Variants in DAB1 observed in about 807,000 individuals in gnomAD.
The protein encoded by DAB1 is disabled homolog 1.
A neutral mutation model predicts 64.6 loss-of-function variants in DAB1; 15 were observed. The ratio of observed to expected loss-of-function variants is 0.23; its 90% CI spans 0.16 to 0.36. DAB1 has a LOEUF of 0.36. DAB1 is among the 10% of genes least tolerant of loss of function. DAB1 has a pLI of 1.00. For synonymous variants in DAB1, 235 were observed against 251.9 expected (o/e 0.93, Z 0.64); for missense variants, 596 against 706.7 (o/e 0.84, Z 1.78).
chr1:57,609,326 A>G (rs1645697807), intron 7 of DAB1, among the ~76,000 whole-genome samples: 1 of 152,248 alleles, frequency 6.6e-6, no homozygotes. Flanking sequence ...GCAATATAGT[A>G]CAACTATTCG....
chr1:57,936,609 G>T (rs1645028647), intron 5 of DAB1, among the ~76,000 whole-genome samples: 1 of 151,930 alleles, frequency 6.6e-6, no homozygotes, highest in Admixed American at 6.6e-5. Flanking sequence ...CGCCATGTTG[G>T]CCTGGCTGGT....
At chr1:57,759,827 C>G (rs1448543717) in intron 6 of DAB1, among the ~76,000 whole-genome samples, 1 of 151,996 alleles carries the variant, frequency 6.6e-6, no homozygotes, top group Non-Finnish European at 1.5e-5. Context: ...AAAATGGGCT[C>G]AATGTGTAAC....
rs148891634 is a variant in DAB1 at position 57,963,444 on chromosome 1, C to T, written n.388-79282G>A. Among the ~76,000 whole-genome samples the T allele has an allele frequency of 1.2e-4, 18 of 152,234 alleles. No homozygotes were observed. The East Asian group carries it at 2.1e-3, about 18-fold the overall frequency. On this transcript the variant is annotated intron_variant and non_coding_transcript_variant, in intron 5 of 20. Coordinates refer to the DAB1 transcript ENST00000485760. ...ATTGCATTTACCAATCACGGTGCAC[C>T]GTTATTCTCTCTCCATCTGTTTGTC...
chr1:58,224,312 C>A (rs1157251665), intron 4 of DAB1, among the ~76,000 whole-genome samples: 1 of 152,104 alleles, frequency 6.6e-6, no homozygotes, highest in African/African-American at 2.4e-5. Flanking sequence ...ATTTAATAAG[C>A]AGTAACAAGT....
chr1:57,110,199 C>A (rs1191255948), intron 4 of DAB1, among the ~76,000 whole-genome samples: 2 of 152,198 alleles, frequency 1.3e-5, no homozygotes, highest in African/African-American at 4.8e-5. Flanking sequence ...CGAGACCAGT[C>A]TCTGCCACCA....
intron 5 of DAB1, among the ~76,000 whole-genome samples, chr1:57,897,684 T>C (rs945028258): frequency 2.6e-5 from 4 of 152,120 alleles, no homozygotes; most frequent in Admixed American, 1.3e-4. Flanking sequence ...CAGCTTGGGA[T>C]GACACAAAGA....
At chr1:57,830,505 C>T (rs1235200110) in intron 1 of DAB1, among the ~76,000 whole-genome samples, 1 of 152,180 alleles carries the variant, frequency 6.6e-6, no homozygotes, top group Non-Finnish European at 1.5e-5. Context: ...TTCTCAAACA[C>T]TTCTCTGAAC....
intron 4 of DAB1, among the ~76,000 whole-genome samples, chr1:58,194,013 G>A (rs551977883): frequency 5.3e-5 from 8 of 152,326 alleles, no homozygotes; most frequent in East Asian, 1.9e-4. Context: ...AGAAGAAGAC[G>A]TTGGATAAAG....
At chr1:57,759,205 GC>G (rs1648958759) in intron 6 of DAB1, among the ~76,000 whole-genome samples, 1 of 152,144 alleles carries the variant, frequency 6.6e-6, no homozygotes, top group Non-Finnish European at 1.5e-5. Flanking sequence ...AGGGGTCACT[GC>G]ATGGCCCAAT....
At chr1:57,958,203 C>T (rs1645436963) in intron 5 of DAB1, among the ~76,000 whole-genome samples, 2 of 152,052 alleles carry the variant, frequency 1.3e-5, no homozygotes, top group South Asian at 4.1e-4. Context: ...GTCTCGAACT[C>T]CTGACCTCAA....
At chr1:57,079,358 A>G (rs1316484782) in intron 4 of DAB1, among the ~76,000 whole-genome samples, 2 of 152,008 alleles carry the variant, frequency 1.3e-5, no homozygotes, top group African/African-American at 4.8e-5. Flanking sequence ...TTCACCTTCC[A>G]AGTACCTTTT....
At chr1:57,184,937 G>T (rs144587721) in intron 2 of DAB1, among the ~76,000 whole-genome samples, 1 of 152,042 alleles carries the variant, frequency 6.6e-6, no homozygotes, top group Non-Finnish European at 1.5e-5. Context: ...CATGGACCCC[G>T]CAGGCATCCA....
chr1:57,858,298 C>T (rs971970142), intron 1 of DAB1, among the ~76,000 whole-genome samples: 1 of 152,096 alleles, frequency 6.6e-6, no homozygotes, highest in Non-Finnish European at 1.5e-5. Context: ...ATAGCATGCC[C>T]TAACTTTCTT....
At chr1:57,880,343 T>C (rs906476332) in intron 1 of DAB1, 1 of 152,188 alleles carries the variant, frequency 6.6e-6, no homozygotes, top group Non-Finnish European at 1.5e-5. Flanking sequence ...CTAATTATAT[T>C]GAAACAACAA....
At chr1:57,357,522 T>TC (rs1553171932) in intron 1 of DAB1, among the ~76,000 whole-genome samples, 1 of 150,444 alleles carries the variant, frequency 6.6e-6, no homozygotes, top group Non-Finnish European at 1.5e-5. Flanking sequence ...CTTCTTCCTT[T>TC]TTTTTTTTTT....
intron 1 of DAB1, among the ~76,000 whole-genome samples, chr1:57,333,750 T>C (rs1676866467): frequency 6.6e-6 from 1 of 152,192 alleles, no homozygotes; most frequent in Admixed American, 6.5e-5. Context: ...GTAATATCTA[T>C]TAACTGCTTA....
chr1:57,718,436 T>G (rs1179848145), intron 6 of DAB1, among the ~76,000 whole-genome samples: 1 of 152,180 alleles, frequency 6.6e-6, no homozygotes, highest in Non-Finnish European at 1.5e-5. Flanking sequence ...AGGATAACTA[T>G]TCACTTTCAT....
intron 1 of DAB1, among the ~76,000 whole-genome samples, chr1:57,417,892 C>T (rs1437671663): frequency 6.6e-6 from 1 of 152,190 alleles, no homozygotes; most frequent in African/African-American, 2.4e-5. Flanking sequence ...TCAGTCAGAA[C>T]TGCCTTTAAG....
chr1:57,735,525 A>T (rs1647642596), intron 6 of DAB1, among the ~76,000 whole-genome samples: 1 of 151,900 alleles, frequency 6.6e-6, no homozygotes, highest in Non-Finnish European at 1.5e-5. Context: ...CCTCTCTAGT[A>T]AGAAGCTTAC....
Sources: gnomAD v4.1 joint callset for allele counts (sites outside exome capture counted in the v4.1 genomes callset) on GRCh38, gnomAD v4.1.1 for gene constraint, MANE v1.5 for transcripts, NCBI Gene and HGNC (gene_info 2026-07-23, HGNC 2026-07-21) for gene names.